Variants in ATP8B4 observed in about 807,000 individuals in gnomAD.
The protein encoded by ATP8B4 is ATPase phospholipid transporting 8B4 (putative).
Under a neutral mutation model 145.6 loss-of-function variants are expected in ATP8B4, and 133 were observed. That is an observed-to-expected ratio of 0.91 (90% CI 0.79 to 1.05). The LOEUF is 1.05. Ranked by LOEUF, ATP8B4 falls within the 50% of genes least tolerant of loss-of-function variation. The probability of loss-of-function intolerance (pLI) is 0.00; values close to 1 mark genes in which losing one functional copy is unlikely to be tolerated. For missense variants in ATP8B4, 1,458 were observed against 1,425.2 expected (o/e 1.02, Z -0.37); for synonymous variants, 507 against 492.9 (o/e 1.03, Z -0.38).
At chr15:49,897,146 A>G (rs1156674574) in intron 23 of ATP8B4, 146 bp downstream of exon 23, 1 of 708,420 alleles carries the variant, frequency 1.4e-6, no homozygotes, top group East Asian at 2.7e-5. Flanking sequence ...GTCAACTATC[A>G]ATTACATAAT....
At chr15:49,890,464 A>C (rs1385952582) in intron 23 of ATP8B4, among the ~76,000 whole-genome samples, 1 of 152,192 alleles carries the variant, frequency 6.6e-6, no homozygotes, top group African/African-American at 2.4e-5. Context: ...ACTTTCTTTA[A>C]AAGACTGGAA....
intron 14 of ATP8B4, among the ~76,000 whole-genome samples, chr15:49,939,774 G>C (rs531906315): frequency 1.4e-4 from 22 of 152,140 alleles, no homozygotes; most frequent in African/African-American, 5.3e-4. Context: ...TTCCCTGATA[G>C]AAAATATGCC....
chr15:50,097,247 CA>C (rs2056047852), intron 2 of ATP8B4, among the ~76,000 whole-genome samples: 1 of 151,916 alleles, frequency 6.6e-6, no homozygotes, highest in Non-Finnish European at 1.5e-5. Flanking sequence ...GGATAGGTTC[CA>C]TATCTTATTC....
intron 1 of ATP8B4, among the ~76,000 whole-genome samples, chr15:50,135,866 T>C (rs1032938708): frequency 3.3e-5 from 5 of 152,176 alleles, no homozygotes; most frequent in African/African-American, 1.2e-4. Flanking sequence ...TACAGAAGAA[T>C]GCTAAATTCT....
intron 14 of ATP8B4, among the ~76,000 whole-genome samples, chr15:49,948,385 G>C (rs1321441470): frequency 1.3e-5 from 2 of 152,052 alleles, no homozygotes; most frequent in African/African-American, 4.8e-5. Flanking sequence ...GCAGATGGAG[G>C]TTGCAGTGAG....
chr15:50,102,786 C>CAA (rs34999776), intron 2 of ATP8B4, among the ~76,000 whole-genome samples: 45,401 of 140,220 alleles, frequency 0.32, 7,955 homozygotes, highest in East Asian at 0.63. Flanking sequence ...ATGGACATAA[C>CAA]AAAAAAAAAA....
intron 14 of ATP8B4, among the ~76,000 whole-genome samples, chr15:49,952,293 C>G (rs1022229172): frequency 9.2e-5 from 14 of 152,138 alleles, no homozygotes; most frequent in African/African-American, 3.4e-4. Flanking sequence ...TGTTTCTTTT[C>G]AGATTGTTTC....
intron 13 of ATP8B4, among the ~76,000 whole-genome samples, chr15:49,971,250 G>A (rs962155426): frequency 5.3e-5 from 8 of 151,986 alleles, no homozygotes; most frequent in African/African-American, 1.7e-4. Flanking sequence ...CAATGGCAAC[G>A]AAAGCCAAAA....
At chr15:49,885,193 CT>C (rs1243146904) in intron 23 of ATP8B4, among the ~76,000 whole-genome samples, 13 of 152,308 alleles carry the variant, frequency 8.5e-5, no homozygotes, top group African/African-American at 3.1e-4. Flanking sequence ...CGCTGATGGG[CT>C]TTCTCCAACT....
chr15:50,157,511 G>A (rs1302593227), intron 1 of ATP8B4, among the ~76,000 whole-genome samples: 4 of 152,170 alleles, frequency 2.6e-5, no homozygotes, highest in Non-Finnish European at 5.9e-5. Context: ...TTACACGGAT[G>A]AATTGTACAG....
Position 50,150,057 on chromosome 15 carries a change from C to T in ATP8B4, c.-43+32204G>A, listed in dbSNP as rs550691434. Among the ~76,000 whole-genome samples, 217 of 151,708 alleles carry T rather than the reference C, an allele frequency of 1.4e-3. 2 individuals are homozygous for T. The highest frequency in any genetic ancestry group is 5.1e-3 in the African/African-American group (209 of 41,352). ...TGGAGGTTGCAGTGAGCCAAGATCA[C>T]GCCACTGCACTCCAGTCTGGGTGAC... On this transcript the variant is annotated intron_variant, in intron 1 of 3. Transcript: ENST00000558829.
intron 8 of ATP8B4, 66 bp from the exon 9 acceptor site, chr15:49,996,825 A>T (rs1380089174): frequency 7.6e-7 from 1 of 1,310,452 alleles, no homozygotes; most frequent in South Asian, 1.2e-5. Context: ...TACCAAAGCA[A>T]TCAGGTGGGT....
At chr15:49,975,725 T>G (rs1402146709) in intron 12 of ATP8B4, among the ~76,000 whole-genome samples, 1 of 152,180 alleles carries the variant, frequency 6.6e-6, no homozygotes, top group Non-Finnish European at 1.5e-5. Context: ...CACAACCAAA[T>G]TGTCCTACTG....
intron 6 of ATP8B4, among the ~76,000 whole-genome samples, chr15:50,025,006 C>G (rs72734860): frequency 0.082 from 12,444 of 152,242 alleles, 701 homozygotes; most frequent in East Asian, 0.28. Flanking sequence ...ATATTAGTTA[C>G]AGGGAAGAAA....
intron 23 of ATP8B4, among the ~76,000 whole-genome samples, chr15:49,881,751 C>T (rs182230941): frequency 1.6e-3 from 245 of 152,292 alleles, no homozygotes; most frequent in African/African-American, 5.7e-3. Flanking sequence ...GAATTTATCA[C>T]ACAGGATAGG....
intron 20 of ATP8B4, among the ~76,000 whole-genome samples, chr15:49,908,675 C>A (rs550509287): frequency 3.9e-5 from 6 of 152,202 alleles, no homozygotes; most frequent in Admixed American, 3.3e-4. Flanking sequence ...GAGAGCCCAG[C>A]CCCACCAGAC....
chr15:50,147,996 T>C (rs1015726224), intron 1 of ATP8B4, among the ~76,000 whole-genome samples: 22 of 152,192 alleles, frequency 1.4e-4, no homozygotes, highest in African/African-American at 4.8e-4. Flanking sequence ...ACTATATCTT[T>C]CCAATGCATC....
chr15:50,177,052 G>C (rs2044774161), intron 1 of ATP8B4, among the ~76,000 whole-genome samples: 2 of 152,142 alleles, frequency 1.3e-5, no homozygotes, highest in Non-Finnish European at 2.9e-5. Context: ...TAGGATGACA[G>C]GCACCCACAT....
At chr15:50,156,268 A>T (rs1021258929) in intron 1 of ATP8B4, among the ~76,000 whole-genome samples, 1 of 151,242 alleles carries the variant, frequency 6.6e-6, no homozygotes, top group African/African-American at 2.4e-5. Context: ...AATTTTTATG[A>T]CAGACAGAGA....
Sources: allele counts gnomAD v4.1 joint callset (sites outside exome capture counted in the v4.1 genomes callset), GRCh38; gene constraint gnomAD v4.1.1; transcripts MANE v1.5; gene names NCBI Gene and HGNC (gene_info 2026-07-23, HGNC 2026-07-21).